MEGF10: variants seen among roughly 807,000 people sequenced by gnomAD.
MEGF10 encodes multiple EGF like domains 10, also known as multiple epidermal growth factor-like domains protein 10.
Under a neutral mutation model 147.5 loss-of-function variants are expected in MEGF10, and 86 were observed. The observed-to-expected ratio is 0.58, with a 90% CI of 0.49 to 0.70. The LOEUF is 0.70. Among genes scored for constraint, MEGF10 ranks in the 30% least tolerant of loss-of-function variants. MEGF10 has a pLI of 0.00. For synonymous variants in MEGF10, 478 were observed against 525.5 expected, an observed-to-expected ratio of 0.91 and a Z score of 1.24; for missense variants, 1,329 against 1,487.3, an observed-to-expected ratio of 0.89 and a Z score of 1.75.
chr5:127,309,996 TCCTTC>T (rs1382215438), intron 1 of MEGF10, among the ~76,000 whole-genome samples: 8 of 64,862 alleles, frequency 1.2e-4, no homozygotes, highest in Non-Finnish European at 1.7e-4. Context: ...TTTCTTTCTT[TCCTTC>T]CTTCCTTCCT....
chr5:127,282,424 C>T, the MEGF10 span, among the ~76,000 whole-genome samples: 2 of 152,264 alleles, frequency 1.3e-5, no homozygotes, highest in Admixed American at 6.5e-5. Flanking sequence ...TTTGGATACA[C>T]GTTCAAATAT....
At chr5:127,361,428 A>G (rs1423675165) in intron 4 of MEGF10, among the ~76,000 whole-genome samples, 3 of 151,938 alleles carry the variant, frequency 2.0e-5, no homozygotes, top group Non-Finnish European at 4.4e-5. Context: ...CCTGGTAAGT[A>G]TAGTTAGAAG....
intron 1 of MEGF10, 66 bp downstream of exon 1, chr5:127,291,122 A>T (rs1367965858): frequency 6.6e-6 from 1 of 152,214 alleles, no homozygotes; most frequent in African/African-American, 2.4e-5. Flanking sequence ...AAGGCTTCTC[A>T]TGGGCGGGGG....
intron 19 of MEGF10, among the ~76,000 whole-genome samples, 176 bp downstream of exon 19, chr5:127,443,302 A>G (rs1009190024): frequency 6.6e-6 from 1 of 152,234 alleles, no homozygotes; most frequent in Non-Finnish European, 1.5e-5. Flanking sequence ...TGTCCTGCAG[A>G]TAAAGAAACA....
chr5:127,240,762 A>G, the MEGF10 span, among the ~76,000 whole-genome samples: 2 of 152,236 alleles, frequency 1.3e-5, no homozygotes, highest in African/African-American at 4.8e-5. Flanking sequence ...AAAATTGTGA[A>G]TCAACTCACA....
At chr5:127,409,533 C>A (rs1764471373) in intron 8 of MEGF10, 1 of 152,266 alleles carries the variant, frequency 6.6e-6, no homozygotes, top group Non-Finnish European at 1.5e-5. Context: ...TTTCTCTTTT[C>A]TATCTCGATT....
intron 17 of MEGF10, among the ~76,000 whole-genome samples, chr5:127,440,015 C>A (rs1274511780): frequency 6.6e-6 from 1 of 152,172 alleles, no homozygotes; most frequent in Non-Finnish European, 1.5e-5. Context: ...TGGAAACAAT[C>A]ATTGAATCAG....
At chr5:127,247,332 GA>G in the MEGF10 span, among the ~76,000 whole-genome samples, 1 of 2,612 alleles carries the variant, frequency 3.8e-4, no homozygotes, top group Middle Eastern at 0.071. Flanking sequence ...AGAAGAAGAA[GA>G]AGAAGAAGAA....
chr5:127,395,865 T>G (rs1220269582), intron 5 of MEGF10, among the ~76,000 whole-genome samples: 1 of 152,068 alleles, frequency 6.6e-6, no homozygotes, highest in East Asian at 1.9e-4. Flanking sequence ...AGATCAGTAG[T>G]TTACTTCTTA....
At chr5:127,353,315 A>C (rs988519542) in intron 4 of MEGF10, among the ~76,000 whole-genome samples, 1 of 152,228 alleles carries the variant, frequency 6.6e-6, no homozygotes, top group Non-Finnish European at 1.5e-5. Context: ...TATAACTCCA[A>C]GAAAATTTAC....
intron 16 of MEGF10, among the ~76,000 whole-genome samples, chr5:127,437,141 G>A (rs1355667192): frequency 6.6e-6 from 1 of 152,132 alleles, no homozygotes; most frequent in Non-Finnish European, 1.5e-5. Context: ...TAAGGAATAG[G>A]TTGTTTTAGG....
intron 3 of MEGF10, among the ~76,000 whole-genome samples, chr5:127,339,693 A>G (rs1333305742): frequency 6.6e-6 from 1 of 152,188 alleles, no homozygotes; most frequent in Admixed American, 6.6e-5. Context: ...ATGTTAATAT[A>G]GAAGGGAACT....
intron 9 of MEGF10, among the ~76,000 whole-genome samples, chr5:127,412,138 G>T (rs149531555): frequency 7.4e-4 from 112 of 152,260 alleles, no homozygotes; most frequent in African/African-American, 2.3e-3. Context: ...TAACAAAGAA[G>T]TACATGACAT....
rs150523119 is a variant in MEGF10, at chr5:127,417,684, G to A, written c.1177G>A (p.Gly393Arg). 60 of 1,614,126 alleles carry A rather than the reference G, an allele frequency of 3.7e-5. No individual in the cohort carries two copies. Among genetic ancestry groups the A allele is most frequent in the Admixed American group, 1.7e-5 (1 of 60,020 alleles). Reference sequence around the variant, plus strand: ...GTGTGCCTGCAAGCCGGGCTGGTCAGGACTCTACTGTAATGAGACATGTTC... The same window carrying A: ...GTGTGCCTGCAAGCCGGGCTGGTCAAGACTCTACTGTAATGAGACATGTTC... ...GECACKPGWS[G>R]LYCNETCSPG... is the part of the protein sequence containing the mutation. Residue 393 changes from glycine (G) to arginine (R), a missense_variant, in exon 10 of 25, where the codon GGA (glycine) becomes AGA (arginine). Transcript: ENST00000503335.
chr5:127,342,280 G>A (rs1055874347), intron 4 of MEGF10, among the ~76,000 whole-genome samples: 6 of 152,116 alleles, frequency 3.9e-5, no homozygotes. Flanking sequence ...TTTCCCAGAG[G>A]CCTTCAGTGA....
intron 1 of MEGF10, among the ~76,000 whole-genome samples, chr5:127,309,374 C>T (rs1264027247): frequency 6.6e-6 from 1 of 152,150 alleles, no homozygotes; most frequent in African/African-American, 2.4e-5. Context: ...AAACCATCAC[C>T]ACCATCCATC....
At chr5:127,403,028 G>A (rs1279019042) in intron 8 of MEGF10, among the ~76,000 whole-genome samples, 1 of 152,092 alleles carries the variant, frequency 6.6e-6, no homozygotes, top group Non-Finnish European at 1.5e-5. Context: ...TTTTTAAATG[G>A]GATGTGTACT....
At position 127,455,410 on chromosome 5, in the gene MEGF10, A is replaced by G. The variant is rs1428798992; in HGVS notation, c.3035A>G (p.Lys1012Arg). 6.2e-7 allele frequency: 1 copy of G among 1,613,938 alleles called. No homozygotes were observed. The highest frequency in any genetic ancestry group is 8.5e-7 in the Non-Finnish European group (1 of 1,179,878). Residue 1012 changes from lysine (K) to arginine (R), a missense_variant, in exon 24 of 25, where the codon AAG (lysine) becomes AGG (arginine). By Grantham distance (26) the Lys-to-Arg change is conservative. Around this residue, in one of 3 missense-constraint regions of MEGF10, gnomAD observed 343 missense variants for 377.9 expected, o/e 0.91. Transcript: ENST00000503335. Reference sequence around the variant, plus strand: ...TCATTTCTCTTCACAGACCTGGGAAAGAATTCTGAATATAATTCAAGTAAC... The same window carrying G: ...TCATTTCTCTTCACAGACCTGGGAAGGAATTCTGAATATAATTCAAGTAAC... ...YMGKSLKDLG[K>R]NSEYNSSNCS... is the part of the protein sequence containing the mutation.
intron 5 of MEGF10, among the ~76,000 whole-genome samples, chr5:127,373,275 C>T (rs1417263673): frequency 6.6e-6 from 1 of 152,106 alleles, no homozygotes; most frequent in African/African-American, 2.4e-5. Context: ...CTTCAGCCTC[C>T]CTAGTAGCTG....
Sources: gnomAD v4.1 joint callset for allele counts (sites outside exome capture counted in the v4.1 genomes callset) on GRCh38, gnomAD v4.1.1 for gene constraint, gnomAD v4.1.1 regional missense constraint, MANE v1.5 for transcripts, NCBI Gene and HGNC (gene_info 2026-07-23, HGNC 2026-07-21) for gene names.